The following CBLB variants were observed in gnomAD, a reference collection of about 807,000 sequenced individuals.
CBLB encodes Cbl proto-oncogene B.
A neutral mutation model predicts 104.9 loss-of-function variants in CBLB; 31 were observed. That is an observed-to-expected ratio of 0.30 (90% CI 0.22 to 0.40). The LOEUF (loss-of-function observed/expected upper bound fraction) is 0.40, where lower values mean the gene tolerates loss of function less well. Ranked by LOEUF, CBLB falls within the 10% of genes least tolerant of loss-of-function variation. The pLI is 1.00. For synonymous variants in CBLB, 440 were observed against 422.6 expected, an observed-to-expected ratio of 1.04 and a Z score of -0.51; for missense variants, 1,062 against 1,214.6, an observed-to-expected ratio of 0.87 and a Z score of 1.87.
intron 13 of CBLB, among the ~76,000 whole-genome samples, chr3:105,688,434 T>G (rs925740645): frequency 6.6e-6 from 1 of 152,064 alleles, no homozygotes; most frequent in African/African-American, 2.4e-5. Context: ...ATATGCACAC[T>G]TGAAACAAAC....
At chr3:105,787,902 T>G (rs1237861952) in intron 3 of CBLB, among the ~76,000 whole-genome samples, 1 of 152,152 alleles carries the variant, frequency 6.6e-6, no homozygotes, top group Non-Finnish European at 1.5e-5. Context: ...AAATAATTTT[T>G]AAAAAGGCAA....
intron 3 of CBLB, among the ~76,000 whole-genome samples, chr3:105,819,219 GC>G (rs1204901082): frequency 4.6e-5 from 7 of 152,210 alleles, no homozygotes; most frequent in Admixed American, 4.6e-4. Flanking sequence ...GGGTGCAGTG[GC>G]TCACGCCTGT....
chr3:105,727,598 T>C (rs2152843165), intron 9 of CBLB, among the ~76,000 whole-genome samples: 1 of 152,354 alleles, frequency 6.6e-6, no homozygotes, highest in Admixed American at 6.5e-5. Context: ...TTTAGTGTTT[T>C]AGTCATGAAG....
chr3:105,732,730 C>T (rs996489829), intron 9 of CBLB, among the ~76,000 whole-genome samples: 1 of 151,972 alleles, frequency 6.6e-6, no homozygotes, highest in African/African-American at 2.4e-5. Context: ...CATCAATGCC[C>T]CTCTGAGTCT....
chr3:105,677,067 G>A (rs1453497696), intron 17 of CBLB, among the ~76,000 whole-genome samples: 2 of 151,954 alleles, frequency 1.3e-5, no homozygotes, highest in East Asian at 1.9e-4. Context: ...GTGTGAAAAC[G>A]GACTCATACA....
In CBLB at chr3:105,702,379, T is replaced by A. The variant is rs754791694; in HGVS notation, c.1674A>T (p.Pro558=). 1 of 1,557,602 alleles carries A rather than the reference T, an allele frequency of 6.4e-7. No homozygotes were observed. Among genetic ancestry groups the A allele is most frequent in the Non-Finnish European group, 8.7e-7 (1 of 1,146,002 alleles). ...GTGGGATTGGTGGAGGTCTTTCAGGTGGCGGTGGAGGAGGATCTCTTAAGG... is the reference window on the plus strand; with the variant it reads ...GTGGGATTGGTGGAGGTCTTTCAGGAGGCGGTGGAGGAGGATCTCTTAAGG... The part of the protein sequence containing the change: ...PPPLRDPPPP[P]PERPPPIPPD... The change falls in exon 12 of 19, where the codon CCA becomes CCT. Residue 558 remains proline, a synonymous_variant. Transcript: ENST00000394030.
At chr3:105,733,886 T>A in intron 9 of CBLB, 123 bp downstream of exon 9, 1 of 834,950 alleles carries the variant, frequency 1.2e-6, no homozygotes, top group Non-Finnish European at 1.9e-6. Flanking sequence ...ACATATAAAA[T>A]CTTTACACAA....
At chr3:105,797,530 C>T (rs1224139729) in intron 3 of CBLB, among the ~76,000 whole-genome samples, 2 of 152,052 alleles carry the variant, frequency 1.3e-5, no homozygotes, top group African/African-American at 4.8e-5. Flanking sequence ...AATCTGTACA[C>T]CAAACCCCCA....
chr3:105,685,480 A>T lies in CBLB; in HGVS notation c.2055-14T>A. The T allele has an allele frequency of 6.2e-7, 1 of 1,610,160 alleles. No homozygotes were observed. The stretch of plus-strand genomic sequence containing the variant: ...GGACCAGTACACCTACCAGGGGAAA[A>T]AAAATCCAATCTAGTTTAAGCATAA... On this transcript the variant is annotated splice_polypyrimidine_tract_variant and intron_variant, in intron 13 of 18. Transcript: ENST00000394030.
At chr3:105,796,104 A>G (rs192918799) in intron 3 of CBLB, among the ~76,000 whole-genome samples, 1 of 152,342 alleles carries the variant, frequency 6.6e-6, no homozygotes, top group African/African-American at 2.4e-5. Context: ...TTTAAAATTC[A>G]TATGCAATCA....
At chr3:105,768,380 A>G (rs983134254) in intron 4 of CBLB, among the ~76,000 whole-genome samples, 2 of 152,234 alleles carry the variant, frequency 1.3e-5, no homozygotes, top group Non-Finnish European at 2.9e-5. Flanking sequence ...TGATGTGTCC[A>G]GAAAGAGCCA....
Position 105,704,173 on chromosome 3 carries a change from A to C in CBLB, c.1408T>G (p.Cys470Gly). 2 of 1,613,980 alleles carry C rather than the reference A, an allele frequency of 1.2e-6. No homozygotes were observed. The change falls in exon 11 of 19, where the codon TGC becomes GGC. Residue 470 changes from cysteine (C) to glycine (G), a missense_variant and splice_region_variant. Transcript: ENST00000394030. ...ACTGGTGAGTTCTGCCTGTCAGTGC[A>C]CTAGAACAGAAAAAGAGAAAGATGC... ...MMNRLANVRK[C>G]TDRQNSPVTS...
intron 3 of CBLB, among the ~76,000 whole-genome samples, chr3:105,809,865 T>C (rs1298897359): frequency 6.6e-6 from 1 of 152,200 alleles, no homozygotes; most frequent in East Asian, 1.9e-4. Context: ...TGTCCCATTA[T>C]CATGTTTCTG....
intron 8 of CBLB, among the ~76,000 whole-genome samples, chr3:105,735,092 C>T (rs1002755163): frequency 1.3e-5 from 2 of 152,092 alleles, no homozygotes; most frequent in Non-Finnish European, 2.9e-5. Flanking sequence ...CTACAATGTG[C>T]CTGGCACGGA....
chr3:105,755,798 T>C (rs1013743034), intron 4 of CBLB, among the ~76,000 whole-genome samples: 1 of 152,166 alleles, frequency 6.6e-6, no homozygotes, highest in African/African-American at 2.4e-5. Flanking sequence ...AAAAAATACA[T>C]AGCAGCCAAA....
At chr3:105,807,820 T>C (rs2083717211) in intron 3 of CBLB, among the ~76,000 whole-genome samples, 1 of 152,292 alleles carries the variant, frequency 6.6e-6, no homozygotes, top group South Asian at 2.1e-4. Context: ...ACCTTAGACA[T>C]ACTGTGGTGT....
chr3:105,697,505 C>T (rs773616568), intron 12 of CBLB, among the ~76,000 whole-genome samples: 5 of 151,970 alleles, frequency 3.3e-5, no homozygotes, highest in East Asian at 1.9e-4. Context: ...TAAACCCCTA[C>T]ACATGCTACC....
At position 105,823,814 on chromosome 3, in the gene CBLB, AT is replaced by A. The variant is rs148429613; in HGVS notation, c.419+29599del. 7.0e-3 allele frequency among the ~76,000 whole-genome samples: 1,070 copies of A among 152,212 alleles called. 11 individuals are homozygous for A. The highest frequency in any genetic ancestry group is 0.025 in the African/African-American group (1,027 of 41,530). ...GGGTCCATGAACTCTGCACCCAGAA[AT>A]TCTCCATACCAGGGTACAAAGCACC... On this transcript the variant is annotated intron_variant, in intron 3 of 18. Coordinates refer to ENST00000394030, the MANE Select transcript of CBLB (RefSeq NM_170662.5).
chr3:105,865,083 A>G (rs992731870), intron 2 of CBLB, among the ~76,000 whole-genome samples: 4 of 152,168 alleles, frequency 2.6e-5, no homozygotes, highest in African/African-American at 9.7e-5. Flanking sequence ...TAAAAAGGTA[A>G]TGTGTCAAGG....
Sources: gnomAD v4.1 joint callset for allele counts (sites outside exome capture counted in the v4.1 genomes callset) on GRCh38, gnomAD v4.1.1 for gene constraint, MANE v1.5 for transcripts, NCBI Gene and HGNC (gene_info 2026-07-23, HGNC 2026-07-21) for gene names.